The following NEK7 variants were observed in gnomAD, a reference collection of about 807,000 sequenced individuals.
The protein encoded by NEK7 is NIMA related kinase 7.
NEK7 carries 18 observed loss-of-function variants against 44.6 expected under a neutral mutation model. The observed-to-expected ratio is 0.40, with a 90% CI of 0.28 to 0.60. The LOEUF (loss-of-function observed/expected upper bound fraction) is 0.60. Ranked by LOEUF, NEK7 falls within the 20% of genes least tolerant of loss-of-function variation. The pLI is 0.38. For missense variants in NEK7, 256 were observed against 366.5 expected (o/e 0.70, Z 2.46); for synonymous variants, 130 against 121.1 (o/e 1.07, Z -0.48).
chr1:198,295,747 T>C (rs921268675), intron 8 of NEK7, among the ~76,000 whole-genome samples: 1 of 151,478 alleles, frequency 6.6e-6, no homozygotes, highest in Non-Finnish European at 1.5e-5. Context: ...ATAGTTTATA[T>C]ATACAGTGTA....
chr1:198,264,362 T>TA, intron 5 of NEK7, 127 bp downstream of exon 5: 1 of 631,804 alleles, frequency 1.6e-6, no homozygotes, highest in Non-Finnish European at 2.7e-6. Context: ...ATCTGATAGA[T>TA]ATGTAACAAA....
intron 2 of NEK7, among the ~76,000 whole-genome samples, chr1:198,234,202 T>A (rs1353273759): frequency 6.6e-6 from 1 of 152,128 alleles, no homozygotes; most frequent in Admixed American, 6.6e-5. Context: ...TTTACTTAAT[T>A]GCACTATTAC....
At chr1:198,218,210 A>G (rs765935757) in intron 1 of NEK7, among the ~76,000 whole-genome samples, 6 of 152,110 alleles carry the variant, frequency 3.9e-5, no homozygotes, top group Non-Finnish European at 7.4e-5. Flanking sequence ...TGGTACTGGT[A>G]TAAAAGTAGA....
chr1:198,269,429 T>C (rs1653767519), intron 5 of NEK7, among the ~76,000 whole-genome samples: 1 of 152,092 alleles, frequency 6.6e-6, no homozygotes, highest in African/African-American at 2.4e-5. Flanking sequence ...ATTAGTTCTG[T>C]AAGCAGTTCT....
intron 2 of NEK7, among the ~76,000 whole-genome samples, chr1:198,243,598 T>A (rs6428446): frequency 0.34 from 51,194 of 152,054 alleles, 9,872 homozygotes; most frequent in East Asian, 0.8. Context: ...TGCTGGTAAT[T>A]TAACTAATGA....
At chr1:198,222,853 A>G (rs1376681930) in intron 1 of NEK7, among the ~76,000 whole-genome samples, 2 of 151,518 alleles carry the variant, frequency 1.3e-5, no homozygotes, top group Non-Finnish European at 2.9e-5. Context: ...TGCAGAAACT[A>G]AAGAGTGAAG....
At chr1:198,284,719 A>G (rs1654316270) in intron 7 of NEK7, among the ~76,000 whole-genome samples, 1 of 152,168 alleles carries the variant, frequency 6.6e-6, no homozygotes, top group Non-Finnish European at 1.5e-5. Context: ...GCTTACTAAG[A>G]GATAAGTATC....
At chr1:198,314,658 A>T (rs932668504) in intron 9 of NEK7, among the ~76,000 whole-genome samples, 31 of 152,018 alleles carry the variant, frequency 2.0e-4, no homozygotes, top group Non-Finnish European at 3.1e-4. Context: ...AACAGACAGG[A>T]CCCTCAGCTG....
chr1:198,291,129 C>T (rs547066618), intron 7 of NEK7, among the ~76,000 whole-genome samples: 1 of 152,286 alleles, frequency 6.6e-6, no homozygotes, highest in East Asian at 1.9e-4. Flanking sequence ...TAATGTACAG[C>T]AGGTTTCCCA....
intron 1 of NEK7, among the ~76,000 whole-genome samples, chr1:198,210,965 G>A (rs1363937000): frequency 1.3e-5 from 2 of 151,436 alleles, no homozygotes; most frequent in Non-Finnish European, 2.9e-5. Context: ...TTTTAGCCGG[G>A]ATGGTCTCGA....
At chr1:198,202,177 C>T (rs1258055716) in intron 1 of NEK7, among the ~76,000 whole-genome samples, 1 of 152,078 alleles carries the variant, frequency 6.6e-6, no homozygotes, top group Non-Finnish European at 1.5e-5. Flanking sequence ...ACATTAGTTA[C>T]ACTGGCTTAG....
chr1:198,270,088 T>G (rs1653788589), intron 5 of NEK7, among the ~76,000 whole-genome samples: 1 of 151,996 alleles, frequency 6.6e-6, no homozygotes, highest in Admixed American at 6.6e-5. Flanking sequence ...TATTTGGTGA[T>G]GAAGACCCAG....
intron 1 of NEK7, among the ~76,000 whole-genome samples, chr1:198,193,095 A>C (rs116221234): frequency 0.028 from 4,290 of 152,082 alleles, 96 homozygotes; most frequent in Non-Finnish European, 0.039. Context: ...AGAAGAATCA[A>C]ATAGACACAA....
intron 9 of NEK7, among the ~76,000 whole-genome samples, chr1:198,299,724 G>A (rs1191627264): frequency 1.3e-5 from 2 of 151,856 alleles, no homozygotes; most frequent in Non-Finnish European, 2.9e-5. Flanking sequence ...AAGATTTTAA[G>A]GGAGGATTTC....
intron 1 of NEK7, among the ~76,000 whole-genome samples, chr1:198,223,118 TCTA>T (rs1235823544): frequency 2.1e-5 from 3 of 145,730 alleles, no homozygotes; most frequent in Non-Finnish European, 4.4e-5. Flanking sequence ...CTTACAGAAT[TCTA>T]CTGTGTTTCA....
At chr1:198,211,390 T>G (rs893070662) in intron 1 of NEK7, among the ~76,000 whole-genome samples, 21 of 152,224 alleles carry the variant, frequency 1.4e-4, no homozygotes, top group African/African-American at 4.8e-4. Context: ...CTATACACAA[T>G]TCTCTTTTCC....
chr1:198,219,304 A>ATG (rs1423003272), intron 1 of NEK7, among the ~76,000 whole-genome samples: 2 of 150,212 alleles, frequency 1.3e-5, no homozygotes, highest in Non-Finnish European at 3.0e-5. Context: ...ATATTAAAAT[A>ATG]TGTGTATATA....
At chr1:198,317,877 A>ATTTTTGTTTTTTTTTTT (rs537862004) in intron 9 of NEK7, among the ~76,000 whole-genome samples, 2 of 70,266 alleles carry the variant, frequency 2.8e-5, no homozygotes, top group African/African-American at 6.3e-5. Flanking sequence ...GGATATATTT[A>ATTTTTGTTTTTTTTTTT]TTTTTTTTTT....
chr1:198,271,499 T>C (rs1372473117), intron 5 of NEK7, among the ~76,000 whole-genome samples: 1 of 152,044 alleles, frequency 6.6e-6, no homozygotes, highest in Non-Finnish European at 1.5e-5. Flanking sequence ...TGTTTTTACA[T>C]TTGCAGACAC....
Sources: allele counts gnomAD v4.1 joint callset (sites outside exome capture counted in the v4.1 genomes callset), GRCh38; gene constraint gnomAD v4.1.1; transcripts MANE v1.5; gene names NCBI Gene and HGNC (gene_info 2026-07-23, HGNC 2026-07-21).